NBAS: variants seen among roughly 807,000 people sequenced by gnomAD.
NBAS encodes NAG/BC035112 fusion.
Under a neutral mutation model 302.5 loss-of-function variants are expected in NBAS, and 219 were observed. That is an observed-to-expected ratio of 0.72 (90% CI 0.65 to 0.81). NBAS has a LOEUF of 0.81. Among genes scored for constraint, NBAS ranks in the 30% least tolerant of loss-of-function variants. NBAS has a pLI of 0.00. For missense variants in NBAS, 2,932 were observed against 2,841.6 expected (o/e 1.03, Z -0.72); for synonymous variants, 1,118 against 1,021.6 (o/e 1.09, Z -1.80).
chr2:15,237,848 C>T (rs556830498), intron 45 of NBAS, among the ~76,000 whole-genome samples: 141 of 150,174 alleles, frequency 9.4e-4, no homozygotes, highest in African/African-American at 3.3e-3. Context: ...GATCTCAGCT[C>T]ACTGCAAACT....
chr2:15,328,299 C>T lies in NBAS; in HGVS notation c.4361G>A (p.Gly1454Asp), dbSNP rs1327360717. 1 of 1,613,542 alleles carries T rather than the reference C, an allele frequency of 6.2e-7. No individual in the cohort carries two copies. Reference sequence around the variant, plus strand: ...TGTAGTTCCGATTTGATATGCACCACCACATTTTTGCCCCTAAAAAGAAAA... The same window carrying T: ...TGTAGTTCCGATTTGATATGCACCATCACATTTTTGCCCCTAAAAAGAAAA... ...YLRPLQGQKC[G>D]GAYQIGTTAN... Residue 1454 changes from glycine to aspartate, a missense_variant, in exon 37 of 52, where the codon GGT (glycine) becomes GAT (aspartate). Gly to Asp is a moderately conservative substitution (Grantham distance 94, BLOSUM62 -1). Transcript: ENST00000281513.
intron 48 of NBAS, among the ~76,000 whole-genome samples, chr2:15,208,303 C>T (rs1035123003): frequency 1.3e-5 from 2 of 152,138 alleles, no homozygotes; most frequent in Admixed American, 1.3e-4. Flanking sequence ...TATTCACTAC[C>T]ACGAGAACAG....
At position 15,473,271 on chromosome 2, in the gene NBAS, C is replaced by T; in HGVS notation, c.1676G>A (p.Arg559Lys). 3.7e-6 allele frequency: 6 copies of T among 1,614,124 alleles called. No individual in the cohort carries two copies. The highest frequency in any genetic ancestry group is 5.1e-6 in the Non-Finnish European group (6 of 1,179,984). The part of the protein sequence containing the change: ...YGLDTDLVYQ[R>K]QWRKSAVNVA... ...GTTGACCGCTGACTTCCTCCACTGC[C>T]TCTGATATACAAGGTCAGTATCCAG... The change falls in exon 16 of 52, where the codon AGG becomes AAG. Residue 559 changes from arginine (R) to lysine (K), a missense_variant. By Grantham distance (26) the Arg-to-Lys change is conservative. Transcript: ENST00000281513.
chr2:15,006,362 G>A, the NBAS span, among the ~76,000 whole-genome samples: 2 of 152,242 alleles, frequency 1.3e-5, no homozygotes, highest in South Asian at 4.1e-4. Flanking sequence ...TTTTATGAGA[G>A]TGAAAAAATG....
At chr2:14,837,580 T>C in the NBAS span, among the ~76,000 whole-genome samples, 2 of 151,940 alleles carry the variant, frequency 1.3e-5, no homozygotes, top group Admixed American at 1.3e-4. Context: ...TATTTATGAA[T>C]TTATATCACT....
At chr2:14,812,059 G>T in the NBAS span, among the ~76,000 whole-genome samples, 3 of 152,144 alleles carry the variant, frequency 2.0e-5, no homozygotes, top group Admixed American at 6.5e-5. Context: ...CATGACATTG[G>T]CTAGGGCACT....
chr2:14,786,505 G>T, the NBAS span, among the ~76,000 whole-genome samples: 1 of 152,052 alleles, frequency 6.6e-6, no homozygotes, highest in Non-Finnish European at 1.5e-5. Context: ...GTGTCCCAGA[G>T]ATTCTGGTAT....
At chr2:15,313,333 G>T (rs1228358070) in intron 38 of NBAS, among the ~76,000 whole-genome samples, 3 of 152,090 alleles carry the variant, frequency 2.0e-5, no homozygotes, top group African/African-American at 7.2e-5. Context: ...CATGAAATAG[G>T]TGTTTTATAT....
intron 40 of NBAS, among the ~76,000 whole-genome samples, 166 bp downstream of exon 40, chr2:15,308,050 G>A (rs1265745685): frequency 6.6e-6 from 1 of 152,168 alleles, no homozygotes; most frequent in Non-Finnish European, 1.5e-5. Context: ...CTGATACCTG[G>A]AGAAGCAACT....
At chr2:15,430,442 G>T (rs1351534576) in intron 21 of NBAS, among the ~76,000 whole-genome samples, 1 of 152,156 alleles carries the variant, frequency 6.6e-6, no homozygotes, top group Non-Finnish European at 1.5e-5. Context: ...AATGATCAGT[G>T]ACAACAATAA....
intron 35 of NBAS, among the ~76,000 whole-genome samples, chr2:15,336,148 T>C (rs916002860): frequency 6.6e-6 from 1 of 151,952 alleles, no homozygotes; most frequent in African/African-American, 2.4e-5. Context: ...ATGTTCTAAG[T>C]TTTCCTTGAC....
intron 40 of NBAS, among the ~76,000 whole-genome samples, chr2:15,298,199 G>A (rs899368369): frequency 1.2e-4 from 19 of 152,242 alleles, no homozygotes; most frequent in African/African-American, 4.6e-4. Flanking sequence ...AAGTAAGAAG[G>A]TGGTGGTTAG....
At chr2:14,896,966 C>G in the NBAS span, among the ~76,000 whole-genome samples, 1 of 151,998 alleles carries the variant, frequency 6.6e-6, no homozygotes, top group Non-Finnish European at 1.5e-5. Context: ...AGTTGGAGGC[C>G]CCTACTAGAG....
At chr2:14,784,948 T>C in the NBAS span, among the ~76,000 whole-genome samples, 24 of 152,364 alleles carry the variant, frequency 1.6e-4, no homozygotes, top group Middle Eastern at 3.4e-3. Context: ...TTCCTACCCA[T>C]GAGCATGGAA....
chr2:15,490,536 C>T (rs1280206581), intron 11 of NBAS, among the ~76,000 whole-genome samples: 1 of 152,118 alleles, frequency 6.6e-6, no homozygotes, highest in Non-Finnish European at 1.5e-5. Flanking sequence ...GGCCTGATGT[C>T]CTCCCTCCTC....
chr2:14,917,175 C>T, the NBAS span, among the ~76,000 whole-genome samples: 2 of 152,316 alleles, frequency 1.3e-5, no homozygotes, highest in South Asian at 4.1e-4. Flanking sequence ...AGGCATTCAG[C>T]TTTACAATTT....
chr2:15,547,554 G>A (rs1664173811), intron 6 of NBAS, among the ~76,000 whole-genome samples: 1 of 152,064 alleles, frequency 6.6e-6, no homozygotes, highest in African/African-American at 2.4e-5. Context: ...AATACAGAAG[G>A]GTAAAGCTTC....
chr2:15,046,167 C>A, the NBAS span, among the ~76,000 whole-genome samples: 1 of 152,164 alleles, frequency 6.6e-6, no homozygotes, highest in South Asian at 2.1e-4. Flanking sequence ...TTGAAATAAG[C>A]CCAGTTCTTT....
chr2:14,895,956 A>G, the NBAS span, among the ~76,000 whole-genome samples: 1 of 151,892 alleles, frequency 6.6e-6, no homozygotes, highest in Non-Finnish European at 1.5e-5. Context: ...ATGACACAAT[A>G]TATCTATGAA....
Sources: gnomAD v4.1 joint callset for allele counts (sites outside exome capture counted in the v4.1 genomes callset) on GRCh38, gnomAD v4.1.1 for gene constraint, MANE v1.5 for transcripts, NCBI Gene and HGNC (gene_info 2026-07-23, HGNC 2026-07-21) for gene names.